ARB2A: variants seen among roughly 807,000 people sequenced by gnomAD.
ARB2A encodes ARB2 cotranscriptional regulator A, also known as cotranscriptional regulator ARB2A.
the ARB2A span, among the ~76,000 whole-genome samples, chr5:93,646,352 T>C: frequency 6.6e-6 from 1 of 152,200 alleles, no homozygotes; most frequent in Middle Eastern, 3.4e-3. Flanking sequence ...GGTGAAACCT[T>C]TTAACTATTG....
At chr5:94,000,697 T>C in the ARB2A span, among the ~76,000 whole-genome samples, 2 of 152,118 alleles carry the variant, frequency 1.3e-5, no homozygotes, top group Non-Finnish European at 2.9e-5. Context: ...GGACTATACC[T>C]TTGGTGTTGC....
the ARB2A span, among the ~76,000 whole-genome samples, chr5:93,802,648 C>T: frequency 6.6e-6 from 1 of 151,998 alleles, no homozygotes; most frequent in African/African-American, 2.4e-5. Flanking sequence ...AAAAAGATTG[C>T]TATGTGCATT....
chr5:94,104,954 T>C, the ARB2A span, among the ~76,000 whole-genome samples: 1 of 151,604 alleles, frequency 6.6e-6, no homozygotes, highest in African/African-American at 2.4e-5. Flanking sequence ...TTAACATGTG[T>C]TAAAAATTTT....
At chr5:93,977,475 C>G in the ARB2A span, among the ~76,000 whole-genome samples, 2 of 152,084 alleles carry the variant, frequency 1.3e-5, no homozygotes, top group Admixed American at 6.6e-5. Context: ...ACACCACCAA[C>G]CAACTGATCT....
At chr5:94,020,286 G>T in the ARB2A span, among the ~76,000 whole-genome samples, 3 of 151,994 alleles carry the variant, frequency 2.0e-5, no homozygotes, top group East Asian at 5.8e-4. Flanking sequence ...GTGGGTAGGG[G>T]GCTGGGGAGG....
At chr5:93,666,630 T>C in the ARB2A span, among the ~76,000 whole-genome samples, 3 of 152,194 alleles carry the variant, frequency 2.0e-5, no homozygotes, top group Admixed American at 2.0e-4. Flanking sequence ...ATTATTATAA[T>C]GTTCTAACTA....
chr5:93,810,471 C>T, the ARB2A span, among the ~76,000 whole-genome samples: 374 of 152,162 alleles, frequency 2.5e-3, 3 homozygotes, highest in African/African-American at 6.8e-3. Flanking sequence ...GGTCCAACCA[C>T]GGCTCACTGT....
the ARB2A span, among the ~76,000 whole-genome samples, chr5:93,687,505 T>A: frequency 6.6e-6 from 1 of 152,186 alleles, no homozygotes; most frequent in Non-Finnish European, 1.5e-5. Flanking sequence ...GGTGGCATAG[T>A]CAATTAATTA....
chr5:93,953,814 T>C, the ARB2A span, among the ~76,000 whole-genome samples: 1 of 152,072 alleles, frequency 6.6e-6, no homozygotes, highest in South Asian at 2.1e-4. Context: ...AGTTTTCTAT[T>C]TTGCTGTGGC....
chr5:94,062,737 G>C, the ARB2A span, among the ~76,000 whole-genome samples: 1 of 152,128 alleles, frequency 6.6e-6, no homozygotes, highest in Non-Finnish European at 1.5e-5. Flanking sequence ...CCCCTATAGA[G>C]CTGCATTCTG....
chr5:93,946,124 G>T, the ARB2A span, among the ~76,000 whole-genome samples: 1 of 151,970 alleles, frequency 6.6e-6, no homozygotes, highest in African/African-American at 2.4e-5. Flanking sequence ...TACTTGATGG[G>T]TCCAACAAAA....
chr5:93,802,077 A>T, the ARB2A span, among the ~76,000 whole-genome samples: 1 of 152,256 alleles, frequency 6.6e-6, no homozygotes, highest in Middle Eastern at 3.4e-3. Context: ...ATAAATATAC[A>T]TCCTCTCTTT....
At chr5:93,641,400 T>TA in the ARB2A span, among the ~76,000 whole-genome samples, 1 of 152,144 alleles carries the variant, frequency 6.6e-6, no homozygotes, top group African/African-American at 2.4e-5. Context: ...AGAGAAAAGT[T>TA]AAAAAATCAT....
chr5:93,832,637 C>T, the ARB2A span, among the ~76,000 whole-genome samples: 1 of 152,158 alleles, frequency 6.6e-6, no homozygotes, highest in Non-Finnish European at 1.5e-5. Context: ...ACAGTCCTAC[C>T]CCTGGTCGCT....
At chr5:93,803,453 C>T in the ARB2A span, among the ~76,000 whole-genome samples, 15 of 151,516 alleles carry the variant, frequency 9.9e-5, no homozygotes, top group Admixed American at 7.9e-4. Context: ...CCTCCCTCAC[C>T]GCCCCCCCAC....
the ARB2A span, among the ~76,000 whole-genome samples, chr5:93,621,324 A>C: frequency 6.7e-6 from 1 of 149,508 alleles, no homozygotes; most frequent in African/African-American, 2.5e-5. Flanking sequence ...GGCGCGGGCC[A>C]GCCGACTCCC....
the ARB2A span, among the ~76,000 whole-genome samples, chr5:93,679,197 G>C: frequency 6.6e-6 from 1 of 151,926 alleles, no homozygotes; most frequent in African/African-American, 2.4e-5. Flanking sequence ...TAGTGTTCTT[G>C]GGACTGAATG....
At chr5:93,724,582 A>G in the ARB2A span, among the ~76,000 whole-genome samples, 1 of 152,072 alleles carries the variant, frequency 6.6e-6, no homozygotes, top group Non-Finnish European at 1.5e-5. Flanking sequence ...ATTTTATGAT[A>G]AATTGACTTT....
At chr5:93,929,012 T>C in the ARB2A span, among the ~76,000 whole-genome samples, 1 of 152,082 alleles carries the variant, frequency 6.6e-6, no homozygotes, top group Admixed American at 6.6e-5. Context: ...AAGTACTTTT[T>C]TTGATATTAG....
Sources: allele counts gnomAD v4.1 joint callset (sites outside exome capture counted in the v4.1 genomes callset), GRCh38; gene constraint gnomAD v4.1.1; transcripts MANE v1.5; gene names NCBI Gene and HGNC (gene_info 2026-07-23, HGNC 2026-07-21).